TANC1: variants seen among roughly 807,000 people sequenced by gnomAD.
The protein encoded by TANC1 is tetratricopeptide repeat, ankyrin repeat and coiled-coil containing 1.
A neutral mutation model predicts 149.7 loss-of-function variants in TANC1; 77 were observed. The observed-to-expected ratio is 0.51, with a 90% confidence interval of 0.43 to 0.62. The LOEUF (loss-of-function observed/expected upper bound fraction) is 0.62. Ranked by LOEUF, TANC1 falls within the 20% of genes least tolerant of loss-of-function variation. The pLI is 0.00. For missense variants in TANC1, 1,985 were observed against 2,321.8 expected, an observed-to-expected ratio of 0.85 and a Z score of 2.98; for synonymous variants, 854 against 925.0, an observed-to-expected ratio of 0.92 and a Z score of 1.39.
At chr2:159,173,239 A>G (rs983226083) in intron 11 of TANC1, among the ~76,000 whole-genome samples, 21 of 152,178 alleles carry the variant, frequency 1.4e-4, no homozygotes, top group African/African-American at 4.8e-4. Context: ...TTTTAGAACT[A>G]TGTTTATTCT....
chr2:159,142,343 G>C (rs1369864735), intron 5 of TANC1, among the ~76,000 whole-genome samples: 2 of 152,186 alleles, frequency 1.3e-5, no homozygotes, highest in Non-Finnish European at 2.9e-5. Flanking sequence ...CATTTGCACT[G>C]ATGCTGCAAA....
At chr2:159,192,683 T>C (rs943035841) in intron 16 of TANC1, among the ~76,000 whole-genome samples, 1 of 152,226 alleles carries the variant, frequency 6.6e-6, no homozygotes, top group Non-Finnish European at 1.5e-5. Context: ...GGAGTCTTGC[T>C]CTGTCCCCCA....
At chr2:159,104,981 C>CTTTTTTTTTTTTTTTTTTTTTTTT (rs146778655) in intron 4 of TANC1, among the ~76,000 whole-genome samples, 1 of 43,342 alleles carries the variant, frequency 2.3e-5, no homozygotes, top group African/African-American at 7.1e-5. Context: ...TGGATATTTG[C>CTTTTTTTTTTTTTTTTTTTTTTTT]TTTTTTTTTT....
At chr2:159,207,335 C>G (rs2058674151) in intron 19 of TANC1, among the ~76,000 whole-genome samples, 1 of 152,208 alleles carries the variant, frequency 6.6e-6, no homozygotes, top group Non-Finnish European at 1.5e-5. Flanking sequence ...TTCTAAACAA[C>G]TCTCATAGAA....
Position 159,102,614 on chromosome 2 carries a change from G to A in TANC1, c.259+4780G>A, listed in dbSNP as rs1423277286. ...CAGCTCTTGCTTAATATTTTATCAC[G>A]AGCAATTTCCAGTTTACTTGAAGAG... On this transcript the variant is annotated intron_variant, in intron 4 of 26. Transcript: ENST00000263635. Among the ~76,000 whole-genome samples, 9 of 125,996 alleles carry A rather than the reference G, an allele frequency of 7.1e-5. No individual in the cohort carries two copies. In the East Asian group the frequency reaches 1.7e-3, roughly 24 times the overall value. The allele number at this position is 125,996 out of a possible 152,430, so 82.7% of individuals were successfully genotyped here.
intron 2 of TANC1, among the ~76,000 whole-genome samples, chr2:159,040,397 A>C (rs539177354): frequency 2.2e-4 from 34 of 152,318 alleles, no homozygotes; most frequent in African/African-American, 8.2e-4. Flanking sequence ...CAGGTATACC[A>C]ATCAAATGTA....
At chr2:159,215,866 G>A (rs1252122145) in intron 19 of TANC1, among the ~76,000 whole-genome samples, 1 of 152,156 alleles carries the variant, frequency 6.6e-6, no homozygotes, top group Non-Finnish European at 1.5e-5. Flanking sequence ...TAGACATGTA[G>A]TGTTCTGCTG....
At chr2:159,211,353 CG>C (rs2058971121) in intron 19 of TANC1, among the ~76,000 whole-genome samples, 2 of 152,184 alleles carry the variant, frequency 1.3e-5, no homozygotes, top group South Asian at 4.1e-4. Flanking sequence ...CATCTGTTCA[CG>C]TTGATTTTTG....
intron 1 of TANC1, among the ~76,000 whole-genome samples, chr2:158,988,500 G>A (rs747396279): frequency 6.6e-6 from 1 of 151,998 alleles, no homozygotes; most frequent in Non-Finnish European, 1.5e-5. Flanking sequence ...TGGGAGAGAG[G>A]AGCATCTTCC....
intron 4 of TANC1, among the ~76,000 whole-genome samples, chr2:159,123,866 A>G (rs2150111681): frequency 6.6e-6 from 1 of 152,254 alleles, no homozygotes; most frequent in Non-Finnish European, 1.5e-5. Flanking sequence ...CTGTGGTCCC[A>G]TTCAGTGACG....
intron 1 of TANC1, among the ~76,000 whole-genome samples, chr2:158,969,618 G>C (rs574110186): frequency 4.2e-4 from 64 of 152,360 alleles, no homozygotes; most frequent in Non-Finnish European, 8.5e-4. Context: ...CCCGGCTTTG[G>C]CGCGGCGGCT....
intron 4 of TANC1, among the ~76,000 whole-genome samples, chr2:159,102,116 C>T (rs2046778060): frequency 6.6e-6 from 1 of 152,154 alleles, no homozygotes; most frequent in Non-Finnish European, 1.5e-5. Context: ...TGCGAAGGCA[C>T]TCCCTCCCCC....
intron 20 of TANC1, among the ~76,000 whole-genome samples, 183 bp downstream of exon 20, chr2:159,217,813 G>A (rs2288109): frequency 0.087 from 13,197 of 152,214 alleles, 1,208 homozygotes; most frequent in East Asian, 0.23. Context: ...AGTTGGCCAC[G>A]TAGGCTGGGG....
chr2:159,097,711 C>G lies in TANC1; in HGVS notation c.136C>G (p.Pro46Ala), dbSNP rs1311554725. The change falls in exon 4 of 27, where the codon CCC becomes GCC. Residue 46 changes from proline (P) to alanine (A), a missense_variant. This residue lies in a region of TANC1 where 557 missense variants were observed against 612.9 expected (regional missense o/e 0.91). Coordinates refer to ENST00000263635, the MANE Select transcript of TANC1 (RefSeq NM_033394.3). Reference protein sequence around the residue: ...HSADSPVSSLPTAEDTYRVSL... With the variant: ...HSADSPVSSLATAEDTYRVSL... ...TGCTGACTCTCCTGTGAGCAGTCTT[C>G]CCACAGCAGAGGACACCTATAGGGT... is the stretch of plus-strand genomic sequence containing the variant. 1 of 1,614,144 alleles carries G rather than the reference C, an allele frequency of 6.2e-7. No individual in the cohort carries two copies. The highest frequency in any genetic ancestry group is 1.1e-5 in the South Asian group (1 of 91,074).
chr2:159,082,974 C>G (rs1007837628), intron 3 of TANC1, among the ~76,000 whole-genome samples: 1 of 152,168 alleles, frequency 6.6e-6, no homozygotes, highest in Non-Finnish European at 1.5e-5. Context: ...AAGACAGAGT[C>G]TTGCTTTGTC....
At chr2:159,174,921 G>A (rs2055679861) in intron 11 of TANC1, 32 bp from the exon 12 acceptor site, 1 of 1,539,574 alleles carries the variant, frequency 6.5e-7, no homozygotes, top group Non-Finnish European at 9.0e-7. Flanking sequence ...TGAAGAGGGT[G>A]AGGTGATGCT....
chr2:159,115,476 A>G (rs2048156746), intron 4 of TANC1, among the ~76,000 whole-genome samples: 1 of 152,156 alleles, frequency 6.6e-6, no homozygotes, highest in African/African-American at 2.4e-5. Context: ...ACCTGTTTGT[A>G]CATGAGAATT....
At chr2:159,160,847 A>G (rs1420232939) in intron 7 of TANC1, among the ~76,000 whole-genome samples, 2 of 152,016 alleles carry the variant, frequency 1.3e-5, no homozygotes, top group African/African-American at 4.8e-5. Flanking sequence ...ACCTTACAAT[A>G]TGTTCATTTC....
At chr2:159,152,443 A>G (rs1266664492) in intron 7 of TANC1, among the ~76,000 whole-genome samples, 1 of 145,764 alleles carries the variant, frequency 6.9e-6, no homozygotes, top group African/African-American at 2.5e-5. Context: ...TTGGCATTAC[A>G]TGCCTTTGAT....
Sources: gnomAD v4.1 joint callset for allele counts (sites outside exome capture counted in the v4.1 genomes callset) on GRCh38, gnomAD v4.1.1 for gene constraint, gnomAD v4.1.1 regional missense constraint, MANE v1.5 for transcripts, NCBI Gene and HGNC (gene_info 2026-07-23, HGNC 2026-07-21) for gene names.